The following SPTLC2 variants were observed in gnomAD, a reference collection of about 807,000 sequenced individuals.
The protein encoded by SPTLC2 is serine palmitoyltransferase long chain base subunit 2.
SPTLC2 carries 21 observed loss-of-function variants against 62.0 expected under a neutral mutation model. That is an observed-to-expected ratio of 0.34 (90% CI 0.24 to 0.49). SPTLC2 has a LOEUF of 0.49. SPTLC2 is among the 20% of genes least tolerant of loss of function. The probability of loss-of-function intolerance (pLI) is 0.99; values close to 1 mark genes in which losing one functional copy is unlikely to be tolerated. For missense variants in SPTLC2, 511 were observed against 713.0 expected (o/e 0.72, Z 3.23); for synonymous variants, 261 against 261.8 (o/e 1.00, Z 0.03).
intron 6 of SPTLC2, among the ~76,000 whole-genome samples, chr14:77,558,626 G>T (rs200424787): frequency 1.9e-4 from 27 of 143,734 alleles, no homozygotes; most frequent in Middle Eastern, 3.5e-3. Flanking sequence ...CAGTTTTTTT[G>T]TTTTTTTTTT....
chr14:77,597,773 CAA>C (rs771918353), intron 1 of SPTLC2, among the ~76,000 whole-genome samples: 2 of 88,114 alleles, frequency 2.3e-5, no homozygotes, highest in African/African-American at 4.5e-5. Context: ...GACTCCGTGT[CAA>C]AAAAAAAAAG....
intron 1 of SPTLC2, among the ~76,000 whole-genome samples, chr14:77,611,088 G>C (rs1337726869): frequency 6.8e-6 from 1 of 146,322 alleles, no homozygotes; most frequent in Non-Finnish European, 1.5e-5. Flanking sequence ...GGTCAGGAGA[G>C]CGAGACCATC....
rs1205360061 is a variant in SPTLC2 at position 77,509,758 on chromosome 14, T to C, written c.*2526A>G. On this transcript the variant is annotated 3_prime_UTR_variant, in exon 12 of 12. Coordinates refer to ENST00000216484, the MANE Select transcript of SPTLC2 (RefSeq NM_004863.4). The stretch of plus-strand genomic sequence containing the variant: ...AGAAGAGACAACCAACCATGTATAA[T>C]GTCTACATAACATTTTGTTCTTTAG... The C allele has an allele frequency of 1.5e-5, 6 of 396,918 alleles. No homozygotes were observed. Among genetic ancestry groups the C allele is most frequent in the Non-Finnish European group, 2.7e-5 (6 of 225,348 alleles). 24.6% of individuals were successfully genotyped at this position (396,918 alleles called of 1,614,324 possible). A position where few individuals can be genotyped will look rare whatever the true frequency, so the allele number is the denominator to read the frequency against.
intron 6 of SPTLC2, among the ~76,000 whole-genome samples, chr14:77,558,634 T>G (rs2079598406): frequency 6.6e-6 from 1 of 151,302 alleles, no homozygotes; most frequent in South Asian, 2.1e-4. Context: ...TTGTTTTTTT[T>G]TTTTTGAGAC....
At chr14:77,556,454 G>A (rs11629330) in intron 7 of SPTLC2, among the ~76,000 whole-genome samples, 58,668 of 152,092 alleles carry the variant, frequency 0.39, 13,336 homozygotes, top group East Asian at 0.87. Flanking sequence ...TTTGCATCAC[G>A]TTGCACAGGC....
intron 9 of SPTLC2, among the ~76,000 whole-genome samples, chr14:77,543,074 A>C (rs2079510022): frequency 6.6e-6 from 1 of 152,144 alleles, no homozygotes. Context: ...TTTTGAGACC[A>C]AGTCTCACTC....
At chr14:77,524,917 A>G (rs11627851) in intron 9 of SPTLC2, among the ~76,000 whole-genome samples, 35,045 of 152,076 alleles carry the variant, frequency 0.23, 4,811 homozygotes, top group East Asian at 0.56. Flanking sequence ...GATAGGAGGA[A>G]TAAATTATAG....
intron 2 of SPTLC2, among the ~76,000 whole-genome samples, chr14:77,585,226 A>G (rs1311544746): frequency 6.6e-6 from 1 of 152,230 alleles, no homozygotes; most frequent in East Asian, 1.9e-4. Flanking sequence ...TGACGATTTC[A>G]ACAACGTGGT....
At chr14:77,593,933 C>T (rs1429672921) in intron 2 of SPTLC2, among the ~76,000 whole-genome samples, 2 of 152,122 alleles carry the variant, frequency 1.3e-5, no homozygotes, top group African/African-American at 4.8e-5. Context: ...TTTCCTTTCC[C>T]TCTAAAAGCT....
At chr14:77,590,318 G>A (rs1239278048) in intron 2 of SPTLC2, among the ~76,000 whole-genome samples, 1 of 152,200 alleles carries the variant, frequency 6.6e-6, no homozygotes, top group Non-Finnish European at 1.5e-5. Context: ...CGTCTAATAT[G>A]TGCCAAGCAC....
intron 1 of SPTLC2, among the ~76,000 whole-genome samples, chr14:77,613,915 T>A (rs1215634723): frequency 6.6e-6 from 1 of 152,238 alleles, no homozygotes; most frequent in Non-Finnish European, 1.5e-5. Flanking sequence ...AAGATCTCTC[T>A]TTTGTATAAG....
chr14:77,582,674 G>T (rs2079758368), intron 2 of SPTLC2, among the ~76,000 whole-genome samples: 1 of 152,200 alleles, frequency 6.6e-6, no homozygotes, highest in African/African-American at 2.4e-5. Context: ...CCTGAACAAA[G>T]AATTGTGCCT....
chr14:77,557,425 T>C, intron 6 of SPTLC2: 2 of 444,316 alleles, frequency 4.5e-6, no homozygotes, highest in South Asian at 2.4e-5. Flanking sequence ...CAGTGTCTCA[T>C]GTTAAATACC....
At chr14:77,613,149 T>C (rs536131481) in intron 1 of SPTLC2, among the ~76,000 whole-genome samples, 4 of 152,252 alleles carry the variant, frequency 2.6e-5, no homozygotes, top group East Asian at 1.9e-4. Context: ...AGGAAGAAAT[T>C]TGGTAATTAA....
intron 1 of SPTLC2, among the ~76,000 whole-genome samples, chr14:77,607,426 G>A (rs974403034): frequency 1.3e-5 from 2 of 152,110 alleles, no homozygotes; most frequent in African/African-American, 2.4e-5. Flanking sequence ...GTCAAAAACC[G>A]CAATTACTTT....
At chr14:77,595,012 C>G (rs548761037) in intron 2 of SPTLC2, among the ~76,000 whole-genome samples, 37 of 152,108 alleles carry the variant, frequency 2.4e-4, no homozygotes, top group Non-Finnish European at 4.1e-4. Flanking sequence ...ACAAAATCAA[C>G]GTACTGTAGA....
intron 2 of SPTLC2, among the ~76,000 whole-genome samples, chr14:77,595,395 T>G (rs2079841058): frequency 6.6e-6 from 1 of 152,122 alleles, no homozygotes; most frequent in Non-Finnish European, 1.5e-5. Flanking sequence ...TAAAAAATGT[T>G]AAAAATGTGT....
intron 9 of SPTLC2, among the ~76,000 whole-genome samples, chr14:77,531,277 T>C (rs148455928): frequency 6.6e-6 from 1 of 152,288 alleles, no homozygotes; most frequent in Non-Finnish European, 1.5e-5. Context: ...GGGCTGTGCA[T>C]GCCAACAGTG....
At chr14:77,538,233 G>C (rs963741912) in intron 9 of SPTLC2, among the ~76,000 whole-genome samples, 3 of 152,114 alleles carry the variant, frequency 2.0e-5, no homozygotes, top group Non-Finnish European at 4.4e-5. Flanking sequence ...ACATCACCCA[G>C]TAATTATCAT....
Sources: allele counts gnomAD v4.1 joint callset (sites outside exome capture counted in the v4.1 genomes callset), GRCh38; gene constraint gnomAD v4.1.1; transcripts MANE v1.5; gene names NCBI Gene and HGNC (gene_info 2026-07-23, HGNC 2026-07-21).